PVT1: variants seen among roughly 807,000 people sequenced by gnomAD.
PVT1 encodes the protein CXCR4/PVT1 fusion.
intron 3 of PVT1, among the ~76,000 whole-genome samples, chr8:127,951,777 T>C (rs2129927855): frequency 6.6e-6 from 1 of 152,132 alleles, no homozygotes; most frequent in East Asian, 1.9e-4. Context: ...CTCCCTTCTT[T>C]CCATGCTGCT....
intron 4 of PVT1, among the ~76,000 whole-genome samples, chr8:128,069,494 C>T (rs917151922): frequency 3.3e-5 from 5 of 152,174 alleles, no homozygotes; most frequent in Admixed American, 2.6e-4. Flanking sequence ...TCCTGGGTTT[C>T]ATGATCTTGC....
intron 2 of PVT1, among the ~76,000 whole-genome samples, chr8:127,889,232 C>T (rs1421840837): frequency 6.6e-6 from 1 of 151,602 alleles, no homozygotes; most frequent in Non-Finnish European, 1.5e-5. Context: ...TTGGTTTAAG[C>T]GATTCTCATT....
At chr8:127,889,074 T>TCCTG (rs1815565669) in intron 2 of PVT1, among the ~76,000 whole-genome samples, 1 of 149,266 alleles carries the variant, frequency 6.7e-6, no homozygotes, top group Non-Finnish European at 1.5e-5. Context: ...CTTCCTTCCT[T>TCCTG]CCTTCCTTCC....
intron 4 of PVT1, among the ~76,000 whole-genome samples, chr8:128,064,774 C>T (rs1003929587): frequency 1.7e-4 from 26 of 152,188 alleles, no homozygotes; most frequent in African/African-American, 5.8e-4. Flanking sequence ...AATAGTTATA[C>T]TGTATGTTTT....
At chr8:128,027,141 TG>T in intron 4 of PVT1, among the ~76,000 whole-genome samples, 1 of 152,322 alleles carries the variant, frequency 6.6e-6, no homozygotes, top group Middle Eastern at 3.4e-3. Context: ...TCTTTGGTGC[TG>T]GCTTGAAGTT....
In PVT1 at chr8:127,837,618, T is replaced by C. The variant is rs75197225; in HGVS notation, n.372+41547T>C. On this transcript the variant is annotated intron_variant and non_coding_transcript_variant, in intron 2 of 10. Transcript: ENST00000651587. The stretch of plus-strand genomic sequence containing the variant: ...AAGAGAAAAAAGGAACTAATATTGA[T>C]TGAGGCCCTCCTGTGTGCCAGGCTA... Among the ~76,000 whole-genome samples, 13 of 152,274 alleles carry C rather than the reference T, an allele frequency of 8.5e-5. No homozygotes were observed. The East Asian group carries it at 2.5e-3, about 29-fold the overall frequency.
chr8:127,914,815 GTTTT>G (rs1181623236), intron 3 of PVT1, among the ~76,000 whole-genome samples: 1 of 130,806 alleles, frequency 7.6e-6, no homozygotes, highest in African/African-American at 2.9e-5. Flanking sequence ...GTTGTTGTTG[GTTTT>G]TTTTTTTTTT....
chr8:127,864,940 CAG>C (rs1338783149), intron 2 of PVT1, among the ~76,000 whole-genome samples: 1 of 152,180 alleles, frequency 6.6e-6, no homozygotes, highest in African/African-American at 2.4e-5. Context: ...ATGGAGGTGA[CAG>C]AGGCCATCTT....
intron 3 of PVT1, among the ~76,000 whole-genome samples, chr8:127,960,381 G>A (rs1233525360): frequency 6.6e-6 from 1 of 152,116 alleles, no homozygotes; most frequent in East Asian, 1.9e-4. Context: ...CTGTAGATAG[G>A]AGACACCCTT....
At chr8:127,986,142 G>A (rs1344145633) in intron 3 of PVT1, among the ~76,000 whole-genome samples, 1 of 152,218 alleles carries the variant, frequency 6.6e-6, no homozygotes, top group Admixed American at 6.5e-5. Flanking sequence ...TCTGATTGGA[G>A]AAGGAAGACA....
At chr8:128,005,821 A>T (rs988109237) in intron 4 of PVT1, among the ~76,000 whole-genome samples, 1 of 152,088 alleles carries the variant, frequency 6.6e-6, no homozygotes, top group African/African-American at 2.4e-5. Context: ...AGACGTTTCA[A>T]GGCCAGGTGT....
chr8:127,920,095 G>C (rs190310335), intron 3 of PVT1, among the ~76,000 whole-genome samples: 1 of 152,298 alleles, frequency 6.6e-6, no homozygotes, highest in Non-Finnish European at 1.5e-5. Context: ...TGTTCCTGCA[G>C]ACAGAGCTTG....
chr8:127,897,614 G>GGAAA (rs201321738), intron 3 of PVT1, among the ~76,000 whole-genome samples: 6 of 135,138 alleles, frequency 4.4e-5, no homozygotes, highest in Admixed American at 2.4e-4. Context: ...AAGGAAGAAA[G>GGAAA]GAAAGAAAGA....
intron 3 of PVT1, among the ~76,000 whole-genome samples, chr8:127,959,314 C>T (rs1020219833): frequency 5.9e-5 from 9 of 152,120 alleles, no homozygotes; most frequent in South Asian, 4.1e-4. Context: ...AGGCTGGGCG[C>T]GGTGGCTCAC....
At chr8:127,941,791 C>A (rs995731584) in intron 3 of PVT1, among the ~76,000 whole-genome samples, 2 of 152,220 alleles carry the variant, frequency 1.3e-5, no homozygotes, top group Non-Finnish European at 2.9e-5. Flanking sequence ...TGCTCTGGTG[C>A]CAGTGTCTCT....
At chr8:127,797,835 T>C (rs1187457416) in intron 2 of PVT1, among the ~76,000 whole-genome samples, 1 of 152,166 alleles carries the variant, frequency 6.6e-6, no homozygotes, top group Non-Finnish European at 1.5e-5. Context: ...TTAACTTTCC[T>C]ATAAAATAGG....
chr8:127,999,811 A>G (rs991027146), intron 4 of PVT1, among the ~76,000 whole-genome samples: 1 of 152,230 alleles, frequency 6.6e-6, no homozygotes, highest in Non-Finnish European at 1.5e-5. Context: ...ATTGACTGAC[A>G]AAAGAAGGTA....
At chr8:127,847,469 T>G (rs971228021) in intron 2 of PVT1, among the ~76,000 whole-genome samples, 1 of 152,192 alleles carries the variant, frequency 6.6e-6, no homozygotes, top group Non-Finnish European at 1.5e-5. Context: ...TGTTGGGACA[T>G]TGGGATATTT....
At chr8:128,018,339 T>C (rs762345151) in intron 4 of PVT1, among the ~76,000 whole-genome samples, 3 of 152,244 alleles carry the variant, frequency 2.0e-5, no homozygotes, top group African/African-American at 7.2e-5. Flanking sequence ...TGGAAATTGG[T>C]AGATGCTCTC....
Sources: allele counts gnomAD v4.1 joint callset (sites outside exome capture counted in the v4.1 genomes callset), GRCh38; gene constraint gnomAD v4.1.1; transcripts MANE v1.5; gene names NCBI Gene and HGNC (gene_info 2026-07-23, HGNC 2026-07-21).